The following PBX3 variants were observed in gnomAD, a reference collection of about 807,000 sequenced individuals.
The protein encoded by PBX3 is PBX homeobox 3.
Under a neutral mutation model 48.5 loss-of-function variants are expected in PBX3, and 14 were observed. The observed-to-expected ratio is 0.29, with a 90% CI of 0.19 to 0.45. The LOEUF (loss-of-function observed/expected upper bound fraction) is 0.45. PBX3 is among the 20% of genes least tolerant of loss of function. The pLI is 1.00. For synonymous variants in PBX3, 210 were observed against 200.3 expected, an observed-to-expected ratio of 1.05 and a Z score of -0.41; for missense variants, 386 against 546.7, an observed-to-expected ratio of 0.71 and a Z score of 2.93.
chr9:125,829,622 GT>G (rs1254890988), intron 2 of PBX3, among the ~76,000 whole-genome samples: 1 of 152,014 alleles, frequency 6.6e-6, no homozygotes, highest in African/African-American at 2.4e-5. Context: ...TCACTTTGAA[GT>G]TTCCTTTGAA....
chr9:125,791,025 C>T (rs1006881457), intron 2 of PBX3, among the ~76,000 whole-genome samples: 7 of 151,846 alleles, frequency 4.6e-5, no homozygotes, highest in Non-Finnish European at 8.8e-5. Context: ...GCAGTTCTCC[C>T]TGCCTCAGCC....
intron 2 of PBX3, among the ~76,000 whole-genome samples, chr9:125,808,037 AGATT>A (rs1838178362): frequency 6.6e-6 from 1 of 152,232 alleles, no homozygotes; most frequent in African/African-American, 2.4e-5. Context: ...TGGATTATCT[AGATT>A]GATAGATAGA....
chr9:125,749,560 C>CTTTTTTTTTTTTTTTTTTT (rs75281692), intron 2 of PBX3: 1 of 115,350 alleles, frequency 8.7e-6, no homozygotes, highest in African/African-American at 3.1e-5. Flanking sequence ...TCTTTTCTTT[C>CTTTTTTTTTTTTTTTTTTT]TTTTTTTTTT....
chr9:125,825,708 G>A (rs892536275), intron 2 of PBX3, among the ~76,000 whole-genome samples: 8 of 152,074 alleles, frequency 5.3e-5, no homozygotes, highest in Non-Finnish European at 1.0e-4. Flanking sequence ...GTGACCCCAC[G>A]GGTACCTGGG....
At chr9:125,802,359 ATTTTTTTT>A (rs57805307) in intron 2 of PBX3, among the ~76,000 whole-genome samples, 9 of 67,762 alleles carry the variant, frequency 1.3e-4, no homozygotes, top group South Asian at 8.6e-4. Flanking sequence ...ACATTAGTGC[ATTTTTTTT>A]TTTTTTTTTT....
rs183663895 is a variant in PBX3 at position 125,928,432 on chromosome 9, A to G, written c.517-1223A>G. ...TGTGTGTGTGTGTGTGTTTTTGTGT[A>G]TGTACTGAAAGAGACAATGTCTGAG... On this transcript the variant is annotated intron_variant, in intron 3 of 8. Transcript: ENST00000373489. Among the ~76,000 whole-genome samples, 3 of 145,776 alleles carry G rather than the reference A, an allele frequency of 2.1e-5. No individual in the cohort carries two copies. The East Asian group carries it at 6.6e-4, about 32-fold the overall frequency.
intron 2 of PBX3, among the ~76,000 whole-genome samples, chr9:125,801,790 T>TAAACAC (rs1554857077): frequency 6.8e-6 from 1 of 146,216 alleles, no homozygotes; most frequent in Non-Finnish European, 1.5e-5. Flanking sequence ...TGTATACACA[T>TAAACAC]ACACACACAC....
chr9:125,886,535 G>A (rs1053817944), intron 2 of PBX3, among the ~76,000 whole-genome samples: 1 of 152,114 alleles, frequency 6.6e-6, no homozygotes, highest in Non-Finnish European at 1.5e-5. Context: ...CTGAACAAGG[G>A]AATTCAACGG....
intron 5 of PBX3, among the ~76,000 whole-genome samples, chr9:125,941,489 A>G (rs1841958244): frequency 6.6e-6 from 1 of 152,186 alleles, no homozygotes; most frequent in South Asian, 2.1e-4. Context: ...GTTGGGGTAC[A>G]CTTGAGTGTT....
At chr9:125,880,900 T>C (rs1840365760) in intron 2 of PBX3, among the ~76,000 whole-genome samples, 1 of 152,240 alleles carries the variant, frequency 6.6e-6, no homozygotes, top group Non-Finnish European at 1.5e-5. Flanking sequence ...AAAACTGTCT[T>C]ATTGAATAGA....
At chr9:125,951,843 C>T (rs1488768542) in intron 5 of PBX3, among the ~76,000 whole-genome samples, 1 of 152,178 alleles carries the variant, frequency 6.6e-6, no homozygotes, top group Non-Finnish European at 1.5e-5. Flanking sequence ...TAGAGGAATG[C>T]ACACAGTGTG....
chr9:125,759,894 G>A lies in PBX3; in HGVS notation c.274+11271G>A, dbSNP rs546866187. Among the ~76,000 whole-genome samples, 66 of 152,306 alleles carry A rather than the reference G, an allele frequency of 4.3e-4. No individual in the cohort carries two copies. The highest frequency in any genetic ancestry group is 1.2e-3 in the Admixed American group (19 of 15,294). On this transcript the variant is annotated intron_variant, in intron 2 of 8. Transcript: ENST00000373489. The surrounding 1 kb of genome is among the most constrained non-coding windows in gnomAD (Gnocchi z 4.2). ...GTTATCTTCAGGCAGTGGCAGCCAGGAGCTGCTTGAAATGCAAAGAGCAAC... is the reference window on the plus strand; with the variant it reads ...GTTATCTTCAGGCAGTGGCAGCCAGAAGCTGCTTGAAATGCAAAGAGCAAC...
At chr9:125,871,753 A>G (rs1157349797) in intron 2 of PBX3, among the ~76,000 whole-genome samples, 2 of 152,178 alleles carry the variant, frequency 1.3e-5, no homozygotes, top group Non-Finnish European at 2.9e-5. Context: ...GTTTTACTTT[A>G]AAAAAGCTTT....
chr9:125,823,318 T>C (rs1838709800), intron 2 of PBX3, among the ~76,000 whole-genome samples: 2 of 151,232 alleles, frequency 1.3e-5, no homozygotes, highest in African/African-American at 2.5e-5. Flanking sequence ...TTGTTGTTGA[T>C]GTGCTATTTA....
intron 2 of PBX3, among the ~76,000 whole-genome samples, chr9:125,869,603 A>G (rs1588240653): frequency 6.6e-6 from 1 of 152,232 alleles, no homozygotes; most frequent in Admixed American, 6.5e-5. Context: ...AAATAATTTC[A>G]AAGTGCTAAG....
At chr9:125,868,606 T>A (rs1038501678) in intron 2 of PBX3, among the ~76,000 whole-genome samples, 2 of 152,172 alleles carry the variant, frequency 1.3e-5, no homozygotes, top group Non-Finnish European at 2.9e-5. Flanking sequence ...ATGTAGGTTT[T>A]GAAGGCATAT....
chr9:125,859,706 T>C (rs924127490), intron 2 of PBX3, among the ~76,000 whole-genome samples: 1 of 152,220 alleles, frequency 6.6e-6, no homozygotes, highest in Non-Finnish European at 1.5e-5. Flanking sequence ...AGGTGATCAA[T>C]AGATATGTAA....
Position 125,787,266 on chromosome 9 carries a change from G to A in PBX3, c.274+38643G>A, listed in dbSNP as rs144761032. On this transcript the variant is annotated intron_variant, in intron 2 of 8. Coordinates refer to ENST00000373489, the MANE Select transcript of PBX3 (RefSeq NM_006195.6). The stretch of plus-strand genomic sequence containing the variant: ...GTGTTGCCTAGGCTGATGTAGAGAA[G>A]TTTATAAGTGGGAATTGGAAAGCTG... Among the ~76,000 whole-genome samples the A allele has an allele frequency of 2.0e-5, 3 of 152,018 alleles. No homozygotes were observed. The East Asian group carries it at 5.8e-4, about 29-fold the overall frequency.
chr9:125,761,445 C>T (rs1419115828), intron 2 of PBX3, among the ~76,000 whole-genome samples: 4 of 151,978 alleles, frequency 2.6e-5, no homozygotes, highest in African/African-American at 9.7e-5. Flanking sequence ...TACAGTAATG[C>T]TTCAGTGGAT....
Sources: allele counts gnomAD v4.1 joint callset (sites outside exome capture counted in the v4.1 genomes callset), GRCh38; gene constraint gnomAD v4.1.1; non-coding constraint Gnocchi (gnomAD v3.1); transcripts MANE v1.5; gene names NCBI Gene and HGNC (gene_info 2026-07-23, HGNC 2026-07-21).